The following ATP11C variants were observed in gnomAD, a reference collection of about 807,000 sequenced individuals.
ATP11C encodes the protein ATPase phospholipid transporting 11C (ATP11C blood group), also known as phospholipid-transporting ATPase IG.
A neutral mutation model predicts 97.4 loss-of-function variants in ATP11C; 36 were observed. The observed-to-expected ratio is 0.37, with a 90% CI of 0.28 to 0.49. ATP11C has a LOEUF of 0.49. Ranked by LOEUF, ATP11C falls within the 20% of genes least tolerant of loss-of-function variation. ATP11C has a pLI of 0.98. For synonymous variants in ATP11C, 275 were observed against 290.9 expected (o/e 0.95, Z 0.56); for missense variants, 730 against 824.6 (o/e 0.89, Z 1.40).
intron 26 of ATP11C, among the ~76,000 whole-genome samples, chrX:139,743,271 C>T (rs1211229308): frequency 1.8e-5 from 2 of 110,101 alleles, no homozygotes; most frequent in Non-Finnish European, 3.8e-5. Context: ...GCCTTAAAAA[C>T]AGCAATAAAG....
intron 18 of ATP11C, among the ~76,000 whole-genome samples, chrX:139,777,325 A>C (rs2148706542): frequency 9.0e-6 from 1 of 110,515 alleles, no homozygotes; most frequent in Admixed American, 9.7e-5. Context: ...TAGCTATAAT[A>C]AAACAAACCA....
chrX:139,809,208 A>G (rs1050093966), intron 5 of ATP11C, among the ~76,000 whole-genome samples: 1 of 112,253 alleles, frequency 8.9e-6, no homozygotes, highest in Non-Finnish European at 1.9e-5. Context: ...AAACTCAGAT[A>G]CTTATATACC....
At chrX:139,737,529 C>G (rs765695765) in intron 28 of ATP11C, among the ~76,000 whole-genome samples, 1 of 111,052 alleles carries the variant, frequency 9.0e-6, no homozygotes, top group African/African-American at 3.3e-5. Flanking sequence ...GTATTATCAA[C>G]TGAAAAAAAT....
chrX:139,873,211 CA>C (rs1338353614), intron 1 of ATP11C, among the ~76,000 whole-genome samples: 3 of 112,206 alleles, frequency 2.7e-5, no homozygotes, highest in Non-Finnish European at 5.6e-5. Context: ...ATACACTTAA[CA>C]CAAAAATTGA....
Position 139,774,871 on chromosome X carries a change from C to T in ATP11C, c.2035G>A (p.Glu679Lys). The change falls in exon 19 of 30, where the codon GAG becomes AAG. Residue 679 changes from glutamate (E) to lysine (K), a missense_variant. Transcript: ENST00000682941. ...KVWVLTGDKM[E>K]TAKSTCYACR... Reference sequence around the variant, plus strand: ...GCATAGCATGTGGATTTAGCTGTCTCCATCTTGTCCCCAGTGAGCACCCAG... The same window carrying T: ...GCATAGCATGTGGATTTAGCTGTCTTCATCTTGTCCCCAGTGAGCACCCAG... 8.3e-7 allele frequency: 1 copy of T among 1,211,674 alleles called. No individual in the cohort carries two copies. Among genetic ancestry groups the T allele is most frequent in the Admixed American group, 2.2e-5 (1 of 45,997 alleles).
At position 139,762,094 on chromosome X, in the gene ATP11C, T is replaced by C. The variant is rs1005775674; in HGVS notation, c.2507A>G (p.Lys836Arg). ...ESHVGIGIKG[K>R]EGRQAARNSD... ...ATTCCTAGCTGCTTGGCGACCTTCT[T>C]TGCCTTTAATACCTAAAAGAGAGTA... The change falls in exon 22 of 30, where the codon AAA (lysine) becomes AGA (arginine). Residue 836 changes from lysine (K) to arginine (R), a missense_variant. By Grantham distance (26) the Lys-to-Arg change is conservative (BLOSUM62 2). Coordinates refer to ENST00000682941, the MANE Select transcript of ATP11C (RefSeq NM_001353812.2). The C allele has an allele frequency of 8.3e-7, 1 of 1,200,889 alleles. No homozygotes were observed. The highest frequency in any genetic ancestry group is 1.1e-6 in the Non-Finnish European group (1 of 889,375).
At chrX:139,899,729 T>TA (rs2084867062) in intron 1 of ATP11C, among the ~76,000 whole-genome samples, 1 of 111,411 alleles carries the variant, frequency 9.0e-6, no homozygotes, top group African/African-American at 3.3e-5. Flanking sequence ...GATTCTAAAA[T>TA]AAAAATTTTT....
intron 22 of ATP11C, among the ~76,000 whole-genome samples, chrX:139,760,770 T>G (rs1603349141): frequency 8.9e-6 from 1 of 111,789 alleles, no homozygotes; most frequent in African/African-American, 3.3e-5. Context: ...GGATTTGCAA[T>G]GTTGCACAAT....
chrX:139,750,076 A>G lies in ATP11C; in HGVS notation c.2777T>C (p.Leu926Pro). 8.3e-7 allele frequency: 1 copy of G among 1,204,298 alleles called. No homozygotes were observed. The highest frequency in any genetic ancestry group is 1.1e-6 in the Non-Finnish European group (1 of 889,416). Reference sequence around the variant, plus strand: ...AGTGTCAATGTTGATGTGCTGTTCCAGTAGACTATAGGCCAGGATGGGCAA... The same window carrying G: ...AGTGTCAATGTTGATGTGCTGTTCCGGTAGACTATAGGCCAGGATGGGCAA... ...TSLPILAYSL[L>P]EQHINIDTLT... Residue 926 changes from leucine (L) to proline (P), a missense_variant, in exon 24 of 30, where the codon CTG (leucine) becomes CCG (proline). Transcript: ENST00000682941.
chrX:139,825,288 T>C (rs1279469680), intron 2 of ATP11C, among the ~76,000 whole-genome samples: 1 of 111,592 alleles, frequency 9.0e-6, no homozygotes, highest in Non-Finnish European at 1.9e-5. Flanking sequence ...CTACTCCTGG[T>C]TTTATTACTA....
chrX:139,920,605 G>A (rs2085244100), intron 1 of ATP11C, among the ~76,000 whole-genome samples: 2 of 111,632 alleles, frequency 1.8e-5, no homozygotes, highest in African/African-American at 3.3e-5. Context: ...AGATAGCTGT[G>A]ATAGTTACAC....
chrX:139,757,549 T>C (rs2081961635), intron 23 of ATP11C, among the ~76,000 whole-genome samples: 1 of 111,807 alleles, frequency 8.9e-6, no homozygotes, highest in South Asian at 3.7e-4. Context: ...ACACTTTTTA[T>C]ACATTGATAA....
In ATP11C at chrX:139,763,408, A is replaced by G; in HGVS notation, c.2402T>C (p.Met801Thr). The change falls in exon 21 of 30, where the codon ATG (methionine) becomes ACG (threonine). Residue 801 changes from methionine (M) to threonine (T), a missense_variant. Coordinates refer to ENST00000682941, the MANE Select transcript of ATP11C (RefSeq NM_001353812.2). ...APLQKAQIVR[M>T]VKNLKGSPIT... Reference sequence around the variant, plus strand: ...TGGGCTGCCTTTTAAATTCTTCACCATTCTGACAATCTAAATATTAAATAC... The same window carrying G: ...TGGGCTGCCTTTTAAATTCTTCACCGTTCTGACAATCTAAATATTAAATAC... 4.2e-6 allele frequency: 5 copies of G among 1,196,135 alleles called. No individual in the cohort carries two copies. Among genetic ancestry groups the G allele is most frequent in the Non-Finnish European group, 5.7e-6 (5 of 881,403 alleles).
Position 139,796,467 on chromosome X carries a change from A to C in ATP11C, c.1012T>G (p.Leu338Val), listed in dbSNP as rs1486796737. Residue 338 changes from leucine to valine, a missense_variant, in exon 12 of 30, where the codon TTA (leucine) becomes GTA (valine). Transcript: ENST00000682941. ...GATAGGAAGTCGGTGAACATTTTTA[A>C]AACCTAAAATAAAAGAGATAGTTCA... ...TQKERETLKV[L>V]KMFTDFLSFM... 8.7e-7 allele frequency: 1 copy of C among 1,153,560 alleles called. No individual in the cohort carries two copies. The highest frequency in any genetic ancestry group is 3.0e-5 in the East Asian group (1 of 33,477).
At chrX:139,873,426 G>C (rs1296131674) in intron 1 of ATP11C, among the ~76,000 whole-genome samples, 1 of 111,414 alleles carries the variant, frequency 9.0e-6, no homozygotes, top group Non-Finnish European at 1.9e-5. Flanking sequence ...GGTTAAGATG[G>C]GCCAGGCATG....
intron 1 of ATP11C, among the ~76,000 whole-genome samples, chrX:139,899,092 G>T (rs1375339062): frequency 9.0e-6 from 1 of 111,522 alleles, no homozygotes; most frequent in Non-Finnish European, 1.9e-5. Flanking sequence ...CAAAATACCT[G>T]ACCAGTATCC....
rs1569448976 is a variant in ATP11C, at chrX:139,774,970, A to C, written c.1953-17T>G. The C allele has an allele frequency of 8.4e-7, 1 of 1,185,672 alleles. No individual in the cohort carries two copies. Among genetic ancestry groups the C allele is most frequent in the Non-Finnish European group, 1.1e-6 (1 of 883,056 alleles). On this transcript the variant is annotated splice_polypyrimidine_tract_variant and intron_variant, in intron 18 of 29. Transcript: ENST00000682941. ...TCTTGTAGCCTGGGAACACAAAAGA[A>C]ACCTTGTGATCTTCTAAAACTCCTG...
chrX:139,794,922 C>A (rs1181382554), intron 12 of ATP11C, among the ~76,000 whole-genome samples: 4 of 111,848 alleles, frequency 3.6e-5, no homozygotes. Flanking sequence ...CCAGAACAGG[C>A]AGATTTGCTC....
chrX:139,882,524 T>C (rs945500565), intron 1 of ATP11C, among the ~76,000 whole-genome samples: 25 of 111,329 alleles, frequency 2.2e-4, no homozygotes, highest in African/African-American at 8.2e-4. Context: ...CAAAGCAGAC[T>C]GTTGCTGGAA....
Sources: allele counts gnomAD v4.1 joint callset (sites outside exome capture counted in the v4.1 genomes callset), GRCh38; gene constraint gnomAD v4.1.1; transcripts MANE v1.5; gene names NCBI Gene and HGNC (gene_info 2026-07-23, HGNC 2026-07-21).